Variants in GRIA1 observed in about 807,000 individuals in gnomAD.
The protein encoded by GRIA1 is glutamate ionotropic receptor AMPA type subunit 1, also known as glutamate receptor 1.
Under a neutral mutation model 99.2 loss-of-function variants are expected in GRIA1, and 31 were observed. The observed-to-expected ratio is 0.31, with a 90% CI of 0.23 to 0.42. GRIA1 has a LOEUF of 0.42. GRIA1 is among the 10% of genes least tolerant of loss of function. The probability of loss-of-function intolerance (pLI) is 1.00; values close to 1 mark genes in which losing one functional copy is unlikely to be tolerated. For missense variants in GRIA1, 782 were observed against 1,157.5 expected (o/e 0.68, Z 4.71); for synonymous variants, 438 against 432.4 (o/e 1.01, Z -0.16).
chr5:153,771,475 C>A (rs1421339032), intron 13 of GRIA1, among the ~76,000 whole-genome samples: 1 of 152,172 alleles, frequency 6.6e-6, no homozygotes, highest in African/African-American at 2.4e-5. Context: ...GGGCTAGTAG[C>A]TGGAGCTACA....
At chr5:153,708,044 T>C (rs1486341111) in intron 11 of GRIA1, among the ~76,000 whole-genome samples, 1 of 152,174 alleles carries the variant, frequency 6.6e-6, no homozygotes, top group Admixed American at 6.5e-5. Flanking sequence ...TTGTTTTTTC[T>C]CCTTTATTTC....
intron 2 of GRIA1, among the ~76,000 whole-genome samples, chr5:153,545,947 C>A (rs1005960157): frequency 1.2e-4 from 19 of 152,170 alleles, no homozygotes; most frequent in Admixed American, 9.2e-4. Context: ...TCATCAGTGT[C>A]CTGAAACATG....
At chr5:153,551,843 A>C (rs1294801992) in intron 2 of GRIA1, among the ~76,000 whole-genome samples, 2 of 152,148 alleles carry the variant, frequency 1.3e-5, no homozygotes, top group African/African-American at 4.8e-5. Context: ...AGTTATGCCA[A>C]GAGTGTTTCC....
intron 2 of GRIA1, among the ~76,000 whole-genome samples, chr5:153,645,615 A>G (rs945083975): frequency 6.6e-6 from 1 of 152,198 alleles, no homozygotes; most frequent in African/African-American, 2.4e-5. Context: ...ACCATTTCCC[A>G]AATGTATTTG....
intron 2 of GRIA1, among the ~76,000 whole-genome samples, chr5:153,578,255 A>T (rs1325385956): frequency 2.0e-5 from 3 of 152,058 alleles, no homozygotes; most frequent in Non-Finnish European, 4.4e-5. Flanking sequence ...TGAGAGAAGG[A>T]AACATGAAGG....
At chr5:153,751,752 T>A (rs908291853) in intron 11 of GRIA1, among the ~76,000 whole-genome samples, 1 of 152,166 alleles carries the variant, frequency 6.6e-6, no homozygotes, top group African/African-American at 2.4e-5. Flanking sequence ...CAGAGAATGG[T>A]CCCATCAGAT....
chr5:153,656,407 A>ATATG (rs1754967267), intron 5 of GRIA1, among the ~76,000 whole-genome samples: 1 of 140,352 alleles, frequency 7.1e-6, no homozygotes, highest in Non-Finnish European at 1.6e-5. Flanking sequence ...ATATATATAT[A>ATATG]TATATATTTG....
At chr5:153,599,610 ATTGT>A (rs371416760) in intron 2 of GRIA1, among the ~76,000 whole-genome samples, 1 of 152,142 alleles carries the variant, frequency 6.6e-6, no homozygotes, top group African/African-American at 2.4e-5. Flanking sequence ...TATTATTTTG[ATTGT>A]TATGTTGTTA....
intron 2 of GRIA1, among the ~76,000 whole-genome samples, chr5:153,565,473 C>G (rs1023607164): frequency 6.6e-6 from 1 of 152,100 alleles, no homozygotes; most frequent in Non-Finnish European, 1.5e-5. Flanking sequence ...ATATCATTCA[C>G]CCATTTAAAG....
chr5:153,721,373 AAC>A (rs1481429991), intron 11 of GRIA1, among the ~76,000 whole-genome samples: 1 of 152,182 alleles, frequency 6.6e-6, no homozygotes, highest in Non-Finnish European at 1.5e-5. Flanking sequence ...ATTAAGATAT[AAC>A]ACACAAATAA....
At chr5:153,667,959 T>C (rs1329532143) in intron 5 of GRIA1, among the ~76,000 whole-genome samples, 1 of 152,236 alleles carries the variant, frequency 6.6e-6, no homozygotes, top group African/African-American at 2.4e-5. Context: ...GTTTACTTAA[T>C]TGAGCGCATT....
At chr5:153,642,438 C>G (rs1753838832) in intron 2 of GRIA1, among the ~76,000 whole-genome samples, 1 of 152,020 alleles carries the variant, frequency 6.6e-6, no homozygotes, top group Non-Finnish European at 1.5e-5. Flanking sequence ...TATCAGAAAG[C>G]ATTACAGGCC....
chr5:153,719,830 A>C (rs1170271589), intron 11 of GRIA1, among the ~76,000 whole-genome samples: 1 of 152,164 alleles, frequency 6.6e-6, no homozygotes, highest in Non-Finnish European at 1.5e-5. Context: ...ATATAAAATA[A>C]GGATTATATA....
At chr5:153,713,437 G>A (rs1006022584) in intron 11 of GRIA1, among the ~76,000 whole-genome samples, 2 of 152,238 alleles carry the variant, frequency 1.3e-5, no homozygotes, top group African/African-American at 4.8e-5. Flanking sequence ...ATAGGGTGTG[G>A]AACTCCAGAT....
chr5:153,691,089 T>C (rs1021342663), intron 8 of GRIA1, among the ~76,000 whole-genome samples: 1 of 152,188 alleles, frequency 6.6e-6, no homozygotes, highest in Admixed American at 6.5e-5. Flanking sequence ...GGTACCTGGA[T>C]ACAATTTGAC....
chr5:153,580,904 C>T (rs183989834), intron 2 of GRIA1, among the ~76,000 whole-genome samples: 10 of 152,242 alleles, frequency 6.6e-5, no homozygotes, highest in African/African-American at 1.4e-4. Flanking sequence ...TGATGTTGCA[C>T]GTGTCAACAT....
chr5:153,652,565 C>A (rs747562378), intron 4 of GRIA1, among the ~76,000 whole-genome samples: 3 of 152,182 alleles, frequency 2.0e-5, no homozygotes, highest in East Asian at 1.9e-4. Context: ...AAAAATGCAA[C>A]TTTTCTGCTT....
chr5:153,642,575 G>T (rs1325277838), intron 2 of GRIA1, among the ~76,000 whole-genome samples: 1 of 151,472 alleles, frequency 6.6e-6, no homozygotes, highest in Non-Finnish European at 1.5e-5. Context: ...GTTTGGAGCT[G>T]CAGTGAGCCA....
chr5:153,580,807 T>C (rs1762981327), intron 2 of GRIA1, among the ~76,000 whole-genome samples: 1 of 152,182 alleles, frequency 6.6e-6, no homozygotes, highest in Non-Finnish European at 1.5e-5. Context: ...AGAGCCACTG[T>C]CTGCTGCTCA....
Sources: allele counts gnomAD v4.1 joint callset (sites outside exome capture counted in the v4.1 genomes callset), GRCh38; gene constraint gnomAD v4.1.1; transcripts MANE v1.5; gene names NCBI Gene and HGNC (gene_info 2026-07-23, HGNC 2026-07-21).